The following KLHL32 variants were observed in gnomAD, a reference collection of about 807,000 sequenced individuals.
KLHL32 encodes kelch like family member 32, also known as kelch-like protein 32.
KLHL32 carries 35 observed loss-of-function variants against 64.8 expected under a neutral mutation model. The observed-to-expected ratio is 0.54, with a 90% CI of 0.41 to 0.72. KLHL32 has a LOEUF of 0.72. Among genes scored for constraint, KLHL32 ranks in the 30% least tolerant of loss-of-function variants. KLHL32 has a pLI of 0.00. For missense variants in KLHL32, 589 were observed against 768.5 expected, an observed-to-expected ratio of 0.77 and a Z score of 2.76; for synonymous variants, 259 against 281.0, an observed-to-expected ratio of 0.92 and a Z score of 0.78.
At chr6:96,981,143 T>C (rs1481788375) in intron 3 of KLHL32, among the ~76,000 whole-genome samples, 2 of 152,052 alleles carry the variant, frequency 1.3e-5, no homozygotes, top group African/African-American at 4.8e-5. Context: ...CCAGGACACA[T>C]GGTGATTATG....
chr6:97,114,177 T>G lies in KLHL32; in HGVS notation c.1022T>G (p.Val341Gly). 6.2e-7 allele frequency: 1 copy of G among 1,614,216 alleles called. No individual in the cohort carries two copies. The change falls in exon 7 of 11, where the codon GTG (valine) becomes GGG (glycine). Residue 341 changes from valine to glycine, a missense_variant. By Grantham distance (109) the Val-to-Gly change is moderately radical (BLOSUM62 -3). Coordinates refer to ENST00000369261, the MANE Select transcript of KLHL32 (RefSeq NM_052904.4). ...PMPVGRSHHC[V>G]AVMGDFLFVA... is the part of the protein sequence containing the mutation. ...CCTGTGGGAAGGAGCCACCATTGTGTGGCAGTCATGGGGGACTTCCTGTTT... is the reference window on the plus strand; with the variant it reads ...CCTGTGGGAAGGAGCCACCATTGTGGGGCAGTCATGGGGGACTTCCTGTTT...
intron 5 of KLHL32, among the ~76,000 whole-genome samples, chr6:97,078,495 C>T (rs1314790915): frequency 6.6e-6 from 1 of 152,058 alleles, no homozygotes; most frequent in Admixed American, 6.5e-5. Flanking sequence ...GTGTTATTAC[C>T]CGGAAAAATC....
In KLHL32 at chr6:97,064,658, G is replaced by A. The variant is rs775751312; in HGVS notation, c.343G>A (p.Val115Met). ...ILLEPGVIQD[V>M]LAAGSHLQLL... ...GCTGGAGCCAGGTGTGATCCAGGAT[G>A]TGCTAGCAGCGGGCAGTCACCTACA... is the stretch of plus-strand genomic sequence containing the variant. The change falls in exon 5 of 11, where the codon GTG (valine) becomes ATG (methionine). Residue 115 changes from valine (V) to methionine (M), a missense_variant. Around this residue, in one of 3 missense-constraint regions of KLHL32, gnomAD observed 191 missense variants for 223.3 expected, o/e 0.86. Coordinates refer to ENST00000369261, the MANE Select transcript of KLHL32 (RefSeq NM_052904.4). 1.2e-6 allele frequency: 2 copies of A among 1,614,192 alleles called. No homozygotes were observed. Among genetic ancestry groups the A allele is most frequent in the Non-Finnish European group, 1.7e-6 (2 of 1,180,020 alleles).
chr6:96,956,211 T>G (rs1773255240), intron 1 of KLHL32, among the ~76,000 whole-genome samples: 1 of 152,164 alleles, frequency 6.6e-6, no homozygotes, highest in Non-Finnish European at 1.5e-5. Context: ...TCTCACTGGG[T>G]CCTTCCCACA....
intron 3 of KLHL32, among the ~76,000 whole-genome samples, chr6:97,031,011 C>T (rs1470420139): frequency 6.6e-6 from 1 of 152,192 alleles, no homozygotes; most frequent in Non-Finnish European, 1.5e-5. Flanking sequence ...AGCCTGCACT[C>T]TACCTTTTCA....
At chr6:96,999,675 A>G (rs7767778) in intron 3 of KLHL32, 34,531 of 245,814 alleles carry the variant, frequency 0.14, 2,856 homozygotes, top group East Asian at 0.38. Flanking sequence ...CAAACTTTGA[A>G]TTTTAATTTT....
rs371749579 is a variant in KLHL32 at position 96,969,890 on chromosome 6, A to G, written c.23+2807A>G. ...TGACATTTGTGCTTGGATGTCTTAA[A>G]GACAACTCAAACTTAACATGTCCCA... On this transcript the variant is annotated intron_variant, in intron 2 of 10. Transcript: ENST00000369261. 4.4e-4 allele frequency among the ~76,000 whole-genome samples: 67 copies of G among 152,332 alleles called. No homozygotes were observed. In the South Asian group the frequency reaches 0.014, roughly 31 times the overall value.
chr6:96,945,614 GT>G (rs1228938139), intron 1 of KLHL32, among the ~76,000 whole-genome samples: 3 of 152,222 alleles, frequency 2.0e-5, no homozygotes, highest in African/African-American at 7.2e-5. Flanking sequence ...TTTAAGCATT[GT>G]TTTACTGAAA....
upstream of KLHL32, among the ~76,000 whole-genome samples, chr6:96,920,216 T>C (rs1466997154): frequency 6.6e-6 from 1 of 152,008 alleles, no homozygotes; most frequent in Non-Finnish European, 1.5e-5. Flanking sequence ...GAGAGCAGAG[T>C]TGGCATCACA....
intron 3 of KLHL32, among the ~76,000 whole-genome samples, chr6:97,017,576 C>T (rs1781390746): frequency 6.6e-6 from 1 of 152,182 alleles, no homozygotes; most frequent in Admixed American, 6.5e-5. Context: ...GAGCCAGGGT[C>T]TTCTAATCTT....
chr6:97,042,247 T>A (rs2128128330), intron 4 of KLHL32, among the ~76,000 whole-genome samples: 1 of 152,366 alleles, frequency 6.6e-6, no homozygotes, highest in East Asian at 1.9e-4. Flanking sequence ...TAGTATCTTC[T>A]ATGCTAAAAT....
At chr6:96,972,790 G>A (rs1055615130) in intron 2 of KLHL32, among the ~76,000 whole-genome samples, 5 of 152,164 alleles carry the variant, frequency 3.3e-5, no homozygotes, top group African/African-American at 1.2e-4. Flanking sequence ...GGAGCTGTTT[G>A]CAAGCATGTG....
At chr6:97,110,007 AAAATTATTTATC>A (rs1796910184) in intron 6 of KLHL32, among the ~76,000 whole-genome samples, 1 of 152,218 alleles carries the variant, frequency 6.6e-6, no homozygotes, top group Non-Finnish European at 1.5e-5. Flanking sequence ...CAAAGAGTGG[AAAATTATTTATC>A]AAGTTGCTGA....
intron 6 of KLHL32, among the ~76,000 whole-genome samples, chr6:97,104,420 A>C (rs1796132643): frequency 6.6e-6 from 1 of 152,248 alleles, no homozygotes; most frequent in African/African-American, 2.4e-5. Context: ...CCAGAGAACA[A>C]ATCTTATGCT....
intron 9 of KLHL32, among the ~76,000 whole-genome samples, chr6:97,131,341 C>T (rs370612861): frequency 6.6e-6 from 1 of 152,032 alleles, no homozygotes; most frequent in African/African-American, 2.4e-5. Context: ...CTTGTGAGTT[C>T]AGGAGTTTAG....
Position 97,042,864 on chromosome 6 carries a change from G to A in KLHL32, c.312+1265G>A, listed in dbSNP as rs948409738. Among the ~76,000 whole-genome samples, 3 of 152,284 alleles carry A rather than the reference G, an allele frequency of 2.0e-5. No homozygotes were observed. The East Asian group carries it at 5.8e-4, about 29-fold the overall frequency. ...TGAAATTTGATCCCCAGTGTTGGAG[G>A]TCGGGTCTGTAGGTGGATGTTGGGG... On this transcript the variant is annotated intron_variant, in intron 4 of 10. Transcript: ENST00000369261.
At chr6:97,113,524 A>G (rs944766593) in intron 6 of KLHL32, among the ~76,000 whole-genome samples, 2 of 152,096 alleles carry the variant, frequency 1.3e-5, no homozygotes, top group Admixed American at 6.5e-5. Flanking sequence ...GTTCACCCCA[A>G]ATGGTATCTG....
intron 3 of KLHL32, among the ~76,000 whole-genome samples, chr6:97,013,825 G>C (rs548287569): frequency 6.6e-6 from 1 of 152,304 alleles, no homozygotes; most frequent in Admixed American, 6.5e-5. Flanking sequence ...GCAACTTGCT[G>C]TGACTTATTA....
intron 10 of KLHL32, among the ~76,000 whole-genome samples, 173 bp downstream of exon 10, chr6:97,132,920 T>C (rs1020453906): frequency 6.6e-6 from 1 of 152,312 alleles, no homozygotes. Flanking sequence ...AAATGATGCC[T>C]AAATAAATTA....
Sources: gnomAD v4.1 joint callset for allele counts (sites outside exome capture counted in the v4.1 genomes callset) on GRCh38, gnomAD v4.1.1 for gene constraint, gnomAD v4.1.1 regional missense constraint, MANE v1.5 for transcripts, NCBI Gene and HGNC (gene_info 2026-07-23, HGNC 2026-07-21) for gene names.